TRIM71: variants seen among roughly 807,000 people sequenced by gnomAD.
The protein encoded by TRIM71 is tripartite motif containing 71.
Under a neutral mutation model 61.2 loss-of-function variants are expected in TRIM71, and 9 were observed. The observed-to-expected ratio is 0.15, with a 90% CI of 0.09 to 0.26. TRIM71 has a LOEUF of 0.26. Among genes scored for constraint, TRIM71 ranks in the 10% least tolerant of loss-of-function variants. The pLI is 1.00. For synonymous variants in TRIM71, 645 were observed against 553.2 expected (o/e 1.17, Z -2.33); for missense variants, 998 against 1,238.7 (o/e 0.81, Z 2.92).
intron 1 of TRIM71, among the ~76,000 whole-genome samples, chr3:32,850,655 C>T (rs1045722813): frequency 6.6e-6 from 1 of 152,252 alleles, no homozygotes; most frequent in African/African-American, 2.4e-5. Flanking sequence ...TTAAGGAAGA[C>T]TAGCTTGTGT....
chr3:32,820,271 G>A (rs577828118), intron 1 of TRIM71, among the ~76,000 whole-genome samples: 60 of 152,228 alleles, frequency 3.9e-4, no homozygotes, highest in Non-Finnish European at 7.2e-4. Context: ...CTGTTATTTG[G>A]GGAGGAGGGC....
At chr3:32,872,010 G>A (rs1180115235) in intron 1 of TRIM71, among the ~76,000 whole-genome samples, 1 of 152,106 alleles carries the variant, frequency 6.6e-6, no homozygotes, top group Non-Finnish European at 1.5e-5. Flanking sequence ...TGGGCGTGGT[G>A]GCAGGCACCT....
intron 2 of TRIM71, among the ~76,000 whole-genome samples, chr3:32,881,862 G>C (rs1310567690): frequency 6.6e-6 from 1 of 152,164 alleles, no homozygotes; most frequent in East Asian, 1.9e-4. Flanking sequence ...TAATTTGGAA[G>C]GGAAAGACCT....
chr3:32,895,499 C>T lies in TRIM71; in HGVS notation c.*3688C>T, dbSNP rs1033695532. The T allele has an allele frequency of 1.3e-5, 2 of 152,192 alleles. No homozygotes were observed. Among genetic ancestry groups the T allele is most frequent in the Non-Finnish European group, 2.9e-5 (2 of 68,044 alleles). The allele number at this position is 152,192 out of a possible 1,614,324, so 9.4% of individuals were successfully genotyped here. A position where few individuals can be genotyped will look rare whatever the true frequency, so the allele number is the denominator to read the frequency against. On this transcript the variant is annotated 3_prime_UTR_variant, in exon 4 of 4. Coordinates refer to ENST00000383763, the MANE Select transcript of TRIM71 (RefSeq NM_001039111.3). ...TACTGTTTATATATGTGTTACCTTC[C>T]TCGTTGGAAGATTCTACGATTGCTC...
At chr3:32,856,772 T>TCCTGCCTTGCAAACACTGTGATTTAA (rs1696609897) in intron 1 of TRIM71, among the ~76,000 whole-genome samples, 1 of 152,160 alleles carries the variant, frequency 6.6e-6, no homozygotes, top group East Asian at 1.9e-4. Flanking sequence ...TCATTGTCAG[T>TCCTGCCTTGCAAACACTGTGATTTAA]CCTGCCTTGC....
chr3:32,883,240 T>A (rs1696928101), intron 2 of TRIM71, among the ~76,000 whole-genome samples: 1 of 152,248 alleles, frequency 6.6e-6, no homozygotes, highest in Non-Finnish European at 1.5e-5. Context: ...CCATTCTGAT[T>A]TTTTAACTTT....
At chr3:32,846,355 G>A (rs1414521085) in intron 1 of TRIM71, among the ~76,000 whole-genome samples, 2 of 152,128 alleles carry the variant, frequency 1.3e-5, no homozygotes, top group East Asian at 1.9e-4. Context: ...GATTACAGGC[G>A]TGAGCCACTA....
intron 1 of TRIM71, among the ~76,000 whole-genome samples, chr3:32,819,566 G>A (rs547688598): frequency 3.9e-5 from 6 of 152,238 alleles, no homozygotes; most frequent in Admixed American, 2.0e-4. Context: ...GAGGGCCAAG[G>A]GCCCCCAGTC....
intron 1 of TRIM71, among the ~76,000 whole-genome samples, chr3:32,860,715 A>T (rs889891657): frequency 8.5e-5 from 13 of 152,132 alleles, no homozygotes; most frequent in African/African-American, 3.1e-4. Context: ...TAGGGGACAG[A>T]TAGGTAGCTT....
At chr3:32,846,083 T>C in intron 1 of TRIM71, among the ~76,000 whole-genome samples, 1 of 148,396 alleles carries the variant, frequency 6.7e-6, no homozygotes, top group African/African-American at 2.5e-5. Context: ...TTTTTTTTTT[T>C]TTTTTTTTTT....
At chr3:32,856,307 G>A (rs566488634) in intron 1 of TRIM71, among the ~76,000 whole-genome samples, 61 of 152,190 alleles carry the variant, frequency 4.0e-4, no homozygotes, top group African/African-American at 1.3e-3. Flanking sequence ...GTGAGCCACC[G>A]CACCTGGCCC....
In TRIM71 at chr3:32,818,359, G is replaced by C; in HGVS notation, c.279G>C (p.Val93=). The C allele has an allele frequency of 6.8e-7, 1 of 1,477,792 alleles. No homozygotes were observed. The highest frequency in any genetic ancestry group is 8.9e-7 in the Non-Finnish European group (1 of 1,119,544). 91.5% of individuals were successfully genotyped at this position (1,477,792 alleles called of 1,614,324 possible). The change falls in exon 1 of 4, where the codon GTG becomes GTC. Residue 93 remains valine, a synonymous_variant. Transcript: ENST00000383763. ...AGEPLKLRCP[V]CDQKVVLAEA... is the part of the protein sequence containing the mutation. ...AGCCGCTCAAGCTGCGCTGCCCCGT[G>C]TGCGACCAGAAAGTAGTGCTAGCCG...
intron 1 of TRIM71, among the ~76,000 whole-genome samples, chr3:32,866,617 C>T (rs1368097849): frequency 4.6e-5 from 7 of 152,180 alleles, no homozygotes. Flanking sequence ...TATGTTGAGG[C>T]TCCGAGACTT....
At chr3:32,819,045 G>T in intron 1 of TRIM71, 113 bp downstream of exon 1, 1 of 1,241,942 alleles carries the variant, frequency 8.1e-7, no homozygotes. Flanking sequence ...GATTTGGTTT[G>T]TATTTCCTTT....
At chr3:32,822,586 A>AT (rs1696147364) in intron 1 of TRIM71, among the ~76,000 whole-genome samples, 2 of 152,196 alleles carry the variant, frequency 1.3e-5, no homozygotes, top group South Asian at 4.1e-4. Flanking sequence ...GCACCAGTGT[A>AT]TATTATTCTC....
At chr3:32,838,147 G>A (rs1165253163) in intron 1 of TRIM71, among the ~76,000 whole-genome samples, 2 of 152,152 alleles carry the variant, frequency 1.3e-5, no homozygotes. Flanking sequence ...AATTACCGGG[G>A]ATTTGCGGTT....
At chr3:32,868,911 G>T (rs1417941097) in intron 1 of TRIM71, among the ~76,000 whole-genome samples, 2 of 152,134 alleles carry the variant, frequency 1.3e-5, no homozygotes, top group African/African-American at 4.8e-5. Context: ...CCATAGTTGT[G>T]GGGCAGCACG....
chr3:32,833,495 G>A (rs1696298389), intron 1 of TRIM71, among the ~76,000 whole-genome samples: 1 of 152,006 alleles, frequency 6.6e-6, no homozygotes. Flanking sequence ...GTTGCACAGA[G>A]GGAGCATCTG....
At chr3:32,876,532 C>T (rs1310900207) in intron 2 of TRIM71, among the ~76,000 whole-genome samples, 2 of 152,186 alleles carry the variant, frequency 1.3e-5, no homozygotes, top group Non-Finnish European at 2.9e-5. Context: ...TGCAGTGAGC[C>T]GAGATCGTGC....
Sources: gnomAD v4.1 joint callset for allele counts (sites outside exome capture counted in the v4.1 genomes callset) on GRCh38, gnomAD v4.1.1 for gene constraint, MANE v1.5 for transcripts, NCBI Gene and HGNC (gene_info 2026-07-23, HGNC 2026-07-21) for gene names.